The following CDK14 variants were observed in gnomAD, a reference collection of about 807,000 sequenced individuals.
CDK14 encodes the protein cyclin-dependent kinase 14.
CDK14 carries 34 observed loss-of-function variants against 60.7 expected under a neutral mutation model. That is an observed-to-expected ratio of 0.56 (90% CI 0.43 to 0.75). The LOEUF (loss-of-function observed/expected upper bound fraction) is 0.75, where lower values mean the gene tolerates loss of function less well. Among genes scored for constraint, CDK14 ranks in the 30% least tolerant of loss-of-function variants. The pLI is 0.00. For synonymous variants in CDK14, 197 were observed against 203.7 expected, an observed-to-expected ratio of 0.97 and a Z score of 0.28; for missense variants, 482 against 564.1, an observed-to-expected ratio of 0.85 and a Z score of 1.47.
chr7:90,937,426 C>T (rs1332120503), intron 8 of CDK14, among the ~76,000 whole-genome samples: 1 of 152,184 alleles, frequency 6.6e-6, no homozygotes, highest in Non-Finnish European at 1.5e-5. Flanking sequence ...ACCACCTCCA[C>T]AATCAAGTTT....
chr7:90,901,376 A>T (rs1484495400), intron 7 of CDK14, among the ~76,000 whole-genome samples: 1 of 152,142 alleles, frequency 6.6e-6, no homozygotes, highest in African/African-American at 2.4e-5. Flanking sequence ...AACTTTTCCT[A>T]CTTGGAAGTT....
At chr7:90,620,425 C>T (rs17867000) in intron 2 of CDK14, among the ~76,000 whole-genome samples, 7,203 of 152,146 alleles carry the variant, frequency 0.047, 203 homozygotes, top group Non-Finnish European at 0.055. Context: ...TGACGCTTCT[C>T]CACCTGAACA....
intron 2 of CDK14, among the ~76,000 whole-genome samples, chr7:90,717,908 A>G (rs1355869541): frequency 2.0e-5 from 3 of 152,110 alleles, no homozygotes; most frequent in Non-Finnish European, 4.4e-5. Flanking sequence ...ACACGTGAGA[A>G]ACAGTGCTCA....
intron 2 of CDK14, among the ~76,000 whole-genome samples, chr7:90,662,665 A>ACAGT (rs752050968): frequency 5.3e-5 from 8 of 152,244 alleles, no homozygotes; most frequent in Non-Finnish European, 1.2e-4. Flanking sequence ...AGTACTTGTA[A>ACAGT]CAGTGCTTGG....
At chr7:90,989,442 A>G (rs1378346224) in intron 10 of CDK14, among the ~76,000 whole-genome samples, 4 of 152,096 alleles carry the variant, frequency 2.6e-5, no homozygotes, top group African/African-American at 9.7e-5. Flanking sequence ...CAATGAAGAC[A>G]TAAAAGAATT....
intron 5 of CDK14, among the ~76,000 whole-genome samples, chr7:90,805,823 G>C (rs1181165702): frequency 6.6e-6 from 1 of 152,016 alleles, no homozygotes; most frequent in African/African-American, 2.4e-5. Flanking sequence ...AAAATGTAAT[G>C]AACTGGAATT....
At chr7:90,773,848 T>C (rs1389009143) in intron 4 of CDK14, among the ~76,000 whole-genome samples, 2 of 35,614 alleles carry the variant, frequency 5.6e-5, no homozygotes, top group Non-Finnish European at 1.3e-4. Context: ...TCTTCCCTCC[T>C]CTCCTCTCCT....
At chr7:90,617,274 G>A (rs529427305) in intron 2 of CDK14, among the ~76,000 whole-genome samples, 39 of 152,056 alleles carry the variant, frequency 2.6e-4, no homozygotes, top group African/African-American at 8.9e-4. Context: ...TAGCTAGAAG[G>A]TGGTGGTTTA....
chr7:90,613,931 G>A (rs546477804), intron 2 of CDK14, among the ~76,000 whole-genome samples: 16 of 151,726 alleles, frequency 1.1e-4, no homozygotes, highest in African/African-American at 3.6e-4. Flanking sequence ...AGCCAAGGTG[G>A]GTCAGAGTTT....
intron 4 of CDK14, among the ~76,000 whole-genome samples, chr7:90,780,817 G>T (rs1433265420): frequency 1.3e-5 from 2 of 151,830 alleles, no homozygotes; most frequent in Non-Finnish European, 2.9e-5. Context: ...GGACATTTGG[G>T]TTGGTTCCAA....
chr7:91,092,874 G>A (rs1035487812), intron 12 of CDK14, among the ~76,000 whole-genome samples: 2 of 152,114 alleles, frequency 1.3e-5, no homozygotes, highest in Non-Finnish European at 2.9e-5. Flanking sequence ...AGAAGGAAAC[G>A]ATCTTTTTGA....
At chr7:91,088,804 A>G (rs1040653599) in intron 12 of CDK14, among the ~76,000 whole-genome samples, 2 of 152,160 alleles carry the variant, frequency 1.3e-5, no homozygotes, top group African/African-American at 2.4e-5. Flanking sequence ...AAATCTCCCC[A>G]TAAGTGATTT....
At chr7:91,063,813 G>C (rs374869767) in intron 11 of CDK14, among the ~76,000 whole-genome samples, 3 of 152,162 alleles carry the variant, frequency 2.0e-5, no homozygotes, top group African/African-American at 7.2e-5. Context: ...TCCTTCTGAA[G>C]TATATAACTG....
At chr7:91,017,353 G>T (rs1180837760) in intron 10 of CDK14, among the ~76,000 whole-genome samples, 1 of 152,180 alleles carries the variant, frequency 6.6e-6, no homozygotes, top group Non-Finnish European at 1.5e-5. Flanking sequence ...CTAGCTGGTG[G>T]TTTCTTACAG....
intron 14 of CDK14, among the ~76,000 whole-genome samples, chr7:91,193,843 A>G (rs1380992329): frequency 6.6e-6 from 1 of 152,116 alleles, no homozygotes; most frequent in Non-Finnish European, 1.5e-5. Context: ...TGTATACTAT[A>G]TTTTGTCAGA....
At chr7:90,797,466 C>T (rs902248168) in intron 5 of CDK14, among the ~76,000 whole-genome samples, 2 of 151,934 alleles carry the variant, frequency 1.3e-5, no homozygotes, top group African/African-American at 2.4e-5. Context: ...TTCTAAGGTA[C>T]TAAAGGTCAG....
intron 9 of CDK14, among the ~76,000 whole-genome samples, chr7:90,966,591 T>G (rs1794757554): frequency 6.6e-6 from 1 of 152,142 alleles, no homozygotes; most frequent in Non-Finnish European, 1.5e-5. Context: ...TTCAGCTCAG[T>G]GCCTCACCCT....
intron 8 of CDK14, among the ~76,000 whole-genome samples, chr7:90,945,476 A>G (rs1562839473): frequency 6.6e-6 from 1 of 152,188 alleles, no homozygotes; most frequent in Non-Finnish European, 1.5e-5. Flanking sequence ...GGAAAATTTC[A>G]CTACTCCTCC....
chr7:91,148,498 T>C (rs1382558503), intron 14 of CDK14, among the ~76,000 whole-genome samples: 2 of 152,176 alleles, frequency 1.3e-5, no homozygotes, highest in African/African-American at 4.8e-5. Context: ...GTATGAAGTT[T>C]GTGAGGTAAT....
Sources: gnomAD v4.1 joint callset for allele counts (sites outside exome capture counted in the v4.1 genomes callset) on GRCh38, gnomAD v4.1.1 for gene constraint, MANE v1.5 for transcripts, NCBI Gene and HGNC (gene_info 2026-07-23, HGNC 2026-07-21) for gene names.